Variants in MSN observed in about 807,000 individuals in gnomAD.
The protein encoded by MSN is moesin.
MSN carries 2 observed loss-of-function variants against 48.0 expected under a neutral mutation model. The ratio of observed to expected loss-of-function variants is 0.04; its 90% CI spans 0.02 to 0.13. The LOEUF is 0.13. MSN is among the 10% of genes least tolerant of loss of function. MSN has a pLI of 1.00. For synonymous variants in MSN, 146 were observed against 166.9 expected (o/e 0.87, Z 0.97); for missense variants, 267 against 470.1 (o/e 0.57, Z 3.99).
intron 7 of MSN, among the ~76,000 whole-genome samples, chrX:65,734,577 G>A (rs2071655996): frequency 1.8e-5 from 2 of 111,576 alleles, no homozygotes; most frequent in South Asian, 7.5e-4. Context: ...TCGGTCCAGT[G>A]GTATTTGTAG....
chrX:65,726,706 CT>C (rs1246923679), intron 2 of MSN, among the ~76,000 whole-genome samples: 1 of 111,007 alleles, frequency 9.0e-6, no homozygotes, highest in East Asian at 2.8e-4. Context: ...TCCTTGTTCC[CT>C]GCTTCCATCT....
chrX:65,717,117 C>T (rs988648014), intron 2 of MSN, among the ~76,000 whole-genome samples: 7 of 111,700 alleles, frequency 6.3e-5, no homozygotes, highest in African/African-American at 2.3e-4. Context: ...TATCTTTGGT[C>T]CTGAATAAGG....
chrX:65,677,337 C>G (rs1411320551), intron 1 of MSN, among the ~76,000 whole-genome samples: 1 of 112,572 alleles, frequency 8.9e-6, no homozygotes, highest in Non-Finnish European at 1.9e-5. Flanking sequence ...CTAAACTCCT[C>G]TCCAAACATC....
exon 1 of MSN, chrX:65,588,486 G>A (rs746462192): frequency 1.4e-6 from 1 of 694,940 alleles, no homozygotes; most frequent in East Asian, 7.1e-5. Context: ...CCATGCAGGG[G>A]CAGCCATGAG....
At chrX:65,728,006 A>C in intron 3 of MSN, 97 bp downstream of exon 3, 1 of 766,247 alleles carries the variant, frequency 1.3e-6, no homozygotes, top group Non-Finnish European at 1.9e-6. Context: ...CTGGATACCT[A>C]GGGCTGTGTT....
intron 1 of MSN, among the ~76,000 whole-genome samples, chrX:65,631,646 A>G (rs1006213946): frequency 9.0e-6 from 1 of 111,159 alleles, no homozygotes; most frequent in African/African-American, 3.3e-5. Flanking sequence ...CCACTGAAGG[A>G]CATTTGGGCA....
chrX:65,729,678 G>A lies in MSN; in HGVS notation c.433G>A (p.Gly145Ser), dbSNP rs1221663220. Residue 145 changes from glycine (G) to serine (S), a missense_variant, in exon 4 of 13, where the codon GGC (glycine) becomes AGC (serine). Physicochemically the swap from Gly to Ser is moderately conservative, Grantham distance 56. Around this residue, in one of 5 missense-constraint regions of MSN, gnomAD observed 89 missense variants for 151.0 expected, o/e 0.59. Transcript: ENST00000360270. ...GDFNKEVHKS[G>S]YLAGDKLLPQ... ...CTTCAATAAGGAAGTGCATAAGTCT[G>A]GCTACCTGGCCGGAGACAAGTTGCT... 1 of 1,211,176 alleles carries A rather than the reference G, an allele frequency of 8.3e-7. No homozygotes were observed.
intron 1 of MSN, among the ~76,000 whole-genome samples, chrX:65,598,447 A>G (rs1389599380): frequency 9.0e-6 from 1 of 111,127 alleles, no homozygotes; most frequent in African/African-American, 3.3e-5. Flanking sequence ...AAGGAAAGAC[A>G]GAGAGAGAGA....
chrX:65,660,847 G>A (rs1244678818), intron 1 of MSN, among the ~76,000 whole-genome samples: 1 of 111,979 alleles, frequency 8.9e-6, no homozygotes, highest in Non-Finnish European at 1.9e-5. Flanking sequence ...TTGTAGGCGT[G>A]GGCCACCGTG....
intron 1 of MSN, among the ~76,000 whole-genome samples, chrX:65,692,154 C>G (rs1297649077): frequency 8.9e-6 from 1 of 112,354 alleles, no homozygotes; most frequent in African/African-American, 3.2e-5. Flanking sequence ...CTTAATTGGC[C>G]AGCTGGGAGG....
intron 1 of MSN, among the ~76,000 whole-genome samples, chrX:65,650,777 G>T (rs772828645): frequency 3.6e-5 from 4 of 112,200 alleles, no homozygotes; most frequent in Non-Finnish European, 7.5e-5. Context: ...AGTTCTGGAG[G>T]TCAGAAGTTT....
chrX:65,631,416 GACA>G (rs1290383588), intron 1 of MSN, among the ~76,000 whole-genome samples: 1 of 110,884 alleles, frequency 9.0e-6, no homozygotes, highest in Admixed American at 9.7e-5. Flanking sequence ...CTTAACCGCT[GACA>G]ACCACTATTC....
At chrX:65,602,881 C>G (rs765583500) in intron 1 of MSN, among the ~76,000 whole-genome samples, 8 of 111,719 alleles carry the variant, frequency 7.2e-5, no homozygotes, top group Non-Finnish European at 1.3e-4. Context: ...CCATCTGAAA[C>G]AGGCTCCTTT....
chrX:65,690,319 CT>C (rs1167547999), intron 1 of MSN, among the ~76,000 whole-genome samples: 2 of 111,683 alleles, frequency 1.8e-5, no homozygotes, highest in African/African-American at 6.5e-5. Flanking sequence ...TGAGCTAATG[CT>C]TTTTCCAGGG....
At chrX:65,724,185 C>T (rs1399541750) in intron 2 of MSN, among the ~76,000 whole-genome samples, 1 of 107,739 alleles carries the variant, frequency 9.3e-6, no homozygotes, top group Non-Finnish European at 1.9e-5. Flanking sequence ...ACTCTTGTTG[C>T]CCAGGCTGGA....
At chrX:65,729,141 A>C (rs193175283) in intron 3 of MSN, among the ~76,000 whole-genome samples, 1 of 112,108 alleles carries the variant, frequency 8.9e-6, no homozygotes, top group Non-Finnish European at 1.9e-5. Context: ...TATGCCTACT[A>C]TCAGAATTTG....
chrX:65,686,658 C>G (rs2071118172), intron 1 of MSN, among the ~76,000 whole-genome samples: 1 of 112,393 alleles, frequency 8.9e-6, no homozygotes, highest in African/African-American at 3.2e-5. Flanking sequence ...TACTTACTTG[C>G]TGTTTGACCT....
At chrX:65,694,980 C>G (rs1005407869) in intron 1 of MSN, among the ~76,000 whole-genome samples, 1 of 112,053 alleles carries the variant, frequency 8.9e-6, no homozygotes, top group Non-Finnish European at 1.9e-5. Context: ...ATCAATGGAT[C>G]TCCACCCCTT....
intron 1 of MSN, among the ~76,000 whole-genome samples, chrX:65,709,874 A>G (rs1314370921): frequency 8.9e-6 from 1 of 111,904 alleles, no homozygotes; most frequent in Non-Finnish European, 1.9e-5. Flanking sequence ...TTTTCTTCCA[A>G]AAAGCCTGGT....
Sources: gnomAD v4.1 joint callset for allele counts (sites outside exome capture counted in the v4.1 genomes callset) on GRCh38, gnomAD v4.1.1 for gene constraint, gnomAD v4.1.1 regional missense constraint, MANE v1.5 for transcripts, NCBI Gene and HGNC (gene_info 2026-07-23, HGNC 2026-07-21) for gene names.